Variants in LRP5 observed in about 807,000 individuals in gnomAD.
LRP5 encodes the protein LDL receptor related protein 5.
Under a neutral mutation model 154.1 loss-of-function variants are expected in LRP5, and 62 were observed. That is an observed-to-expected ratio of 0.40 (90% CI 0.33 to 0.50). The LOEUF is 0.50. Ranked by LOEUF, LRP5 falls within the 20% of genes least tolerant of loss-of-function variation. The pLI is 0.55. For synonymous variants in LRP5, 966 were observed against 1,011.5 expected, an observed-to-expected ratio of 0.96 and a Z score of 0.85; for missense variants, 1,915 against 2,336.7, an observed-to-expected ratio of 0.82 and a Z score of 3.72.
chr11:68,431,315 C>T (rs2098671784), intron 17 of LRP5, among the ~76,000 whole-genome samples: 1 of 146,216 alleles, frequency 6.8e-6, no homozygotes, highest in African/African-American at 2.5e-5. Context: ...TCTTGGCTCA[C>T]TGCAACCTCT....
chr11:68,423,387 G>C lies in LRP5; in HGVS notation c.3028-102G>C, dbSNP rs992468045. On this transcript the variant is annotated intron_variant, in intron 13 of 22. Transcript: ENST00000294304. The surrounding 1 kb of genome is among the most constrained non-coding windows in gnomAD (Gnocchi z 4.7). ...AGGGCTCTCCAGCCAGTGCCCGGGG[G>C]TCTCCACCAGTGCCCGGGGGTCTCC... 9.3e-7 allele frequency: 1 copy of C among 1,071,128 alleles called. No individual in the cohort carries two copies. Among genetic ancestry groups the C allele is most frequent in the Non-Finnish European group, 1.5e-6 (1 of 688,442 alleles). 66.4% of individuals were successfully genotyped at this position (1,071,128 alleles called of 1,614,324 possible).
In LRP5 at chr11:68,439,728, T is replaced by A. The variant is rs540567910; in HGVS notation, c.4349-49T>A. On this transcript the variant is annotated intron_variant, in intron 20 of 22. Coordinates refer to ENST00000294304, the MANE Select transcript of LRP5 (RefSeq NM_002335.4). The stretch of plus-strand genomic sequence containing the variant: ...GAGCGCCCTATGTCTGTGGGGCGGC[T>A]TGGCTGAGCCTGGAAGCCACCTGAC... The A allele has an allele frequency of 3.1e-6, 5 of 1,592,186 alleles. No individual in the cohort carries two copies. The Admixed American group carries it at 5.2e-5, about 17-fold the overall frequency.
chr11:68,383,753 G>A (rs1253837151), intron 5 of LRP5, among the ~76,000 whole-genome samples: 2 of 152,200 alleles, frequency 1.3e-5, no homozygotes, highest in Non-Finnish European at 2.9e-5. Flanking sequence ...GGTATGGGGC[G>A]GCCATCCACT....
At chr11:68,395,779 C>G (rs1481167108) in intron 7 of LRP5, among the ~76,000 whole-genome samples, 1 of 152,160 alleles carries the variant, frequency 6.6e-6, no homozygotes, top group African/African-American at 2.4e-5. Flanking sequence ...TGCCCCGGGA[C>G]ACCTCGGATG....
At chr11:68,427,950 A>G (rs2098669676) in intron 16 of LRP5, among the ~76,000 whole-genome samples, 1 of 73,520 alleles carries the variant, frequency 1.4e-5, no homozygotes, top group African/African-American at 5.8e-5. Context: ...TTGCTATTTT[A>G]TTTTATTTTA....
rs532288010 is a variant in LRP5, at chr11:68,403,419, T to A, written c.1585-64T>A. On this transcript the variant is annotated intron_variant, in intron 7 of 22. Transcript: ENST00000294304. The stretch of plus-strand genomic sequence containing the variant: ...GGGGCAGCTCAGGCCCCAGGCAGGG[T>A]CCGGGTTGGCTCTCGTTGGTGTGGC... The A allele has an allele frequency of 1.3e-4, 196 of 1,464,266 alleles. No homozygotes were observed. In the African/African-American group the frequency reaches 2.5e-3, roughly 19 times the overall value. The allele number at this position is 1,464,266 out of a possible 1,614,324, so 90.7% of individuals were successfully genotyped here. A position where few individuals can be genotyped will look rare whatever the true frequency, so the allele number is the denominator to read the frequency against.
intron 2 of LRP5, among the ~76,000 whole-genome samples, chr11:68,349,449 G>A (rs974850222): frequency 6.6e-6 from 1 of 152,128 alleles, no homozygotes; most frequent in African/African-American, 2.4e-5. Flanking sequence ...TGGGAAGTGC[G>A]GACGCTCAGG....
chr11:68,401,124 C>T (rs936484881), intron 7 of LRP5, among the ~76,000 whole-genome samples: 12 of 152,166 alleles, frequency 7.9e-5, no homozygotes, highest in South Asian at 2.1e-4. Flanking sequence ...CTTCATTGTA[C>T]GCCAGGGCTG....
chr11:68,416,646 T>C (rs1486928239), intron 13 of LRP5, 119 bp downstream of exon 13: 2 of 950,200 alleles, frequency 2.1e-6, no homozygotes, highest in East Asian at 2.6e-5. Context: ...TCTGGGTGAA[T>C]GATGACTTGG....
intron 13 of LRP5, among the ~76,000 whole-genome samples, chr11:68,421,558 G>A (rs1040287728): frequency 6.6e-6 from 1 of 152,200 alleles, no homozygotes; most frequent in African/African-American, 2.4e-5. Flanking sequence ...AATTTGTTCA[G>A]TTGGCTTTGA....
rs577291658 is a variant in LRP5 at position 68,343,163 on chromosome 11, C to G, written c.92-4684C>G. Among the ~76,000 whole-genome samples, 5 of 152,372 alleles carry G rather than the reference C, an allele frequency of 3.3e-5. No homozygotes were observed. In the East Asian group the frequency reaches 7.7e-4, roughly 24 times the overall value. On this transcript the variant is annotated intron_variant, in intron 1 of 22. Coordinates refer to ENST00000294304, the MANE Select transcript of LRP5 (RefSeq NM_002335.4). ...TGCAGGCCTGGCAGGCCCGGTCCCC[C>G]ACCTGCTTGAGCACCCACGGTGGTG...
At position 68,416,341 on chromosome 11, in the gene LRP5, C is replaced by G. The variant is rs1377255746; in HGVS notation, c.2841C>G (p.Phe947Leu). Residue 947 changes from phenylalanine to leucine, a missense_variant, in exon 13 of 23, where the codon TTC becomes TTG. Phe to Leu is a conservative substitution (Grantham distance 22). Coordinates refer to ENST00000294304, the MANE Select transcript of LRP5 (RefSeq NM_002335.4). The stretch of plus-strand genomic sequence containing the variant: ...TGCCTCCTCTAGCGCCCACCACCTT[C>G]TTGCTGTTCAGCCAGAAATCTGCCA... ...SSRNCSPPTT[F>L]LLFSQKSAIS... The G allele has an allele frequency of 1.2e-6, 2 of 1,614,134 alleles. No individual in the cohort carries two copies. The highest frequency in any genetic ancestry group is 1.7e-6 in the Non-Finnish European group (2 of 1,180,034).
intron 21 of LRP5, 24 bp downstream of exon 21, chr11:68,439,940 G>A: frequency 6.6e-7 from 1 of 1,508,842 alleles, no homozygotes; most frequent in Non-Finnish European, 8.9e-7. Context: ...CCGGGGAGGG[G>A]CGGGGCGGGA....
the LRP5 span, among the ~76,000 whole-genome samples, chr11:68,300,429 G>A: frequency 7.4e-5 from 11 of 149,122 alleles, no homozygotes. Context: ...GAGGAATCAG[G>A]GGCATTAAGG....
intron 6 of LRP5, among the ~76,000 whole-genome samples, chr11:68,387,977 C>A (rs1160499789): frequency 6.6e-6 from 1 of 152,130 alleles, no homozygotes; most frequent in Non-Finnish European, 1.5e-5. Flanking sequence ...TGTGAGTGTG[C>A]TGGCCGGGGA....
rs752483392 is a variant in LRP5, at chr11:68,348,113, A to G, written c.358A>G (p.Lys120Glu). ...CGGCCTCGCCTGCGACTGGGTGGGC[A>G]AGAAGCTGTACTGGACGGACTCAGA... ...PDGLACDWVGKKLYWTDSETN... is the reference protein window; with the variant it reads ...PDGLACDWVGEKLYWTDSETN... The change falls in exon 2 of 23, where the codon AAG becomes GAG. Residue 120 changes from lysine to glutamate, a missense_variant. Transcript: ENST00000294304. The G allele has an allele frequency of 1.5e-5, 24 of 1,614,004 alleles. No individual in the cohort carries two copies. Among genetic ancestry groups the G allele is most frequent in the Admixed American group, 3.3e-5 (2 of 60,008 alleles).
At chr11:68,434,685 T>G (rs1241930925) in intron 18 of LRP5, among the ~76,000 whole-genome samples, 1 of 152,160 alleles carries the variant, frequency 6.6e-6, no homozygotes, top group Non-Finnish European at 1.5e-5. Flanking sequence ...CGGCCTGAGT[T>G]TTCCTTTTAT....
rs35822609 is a variant in LRP5 at position 68,335,074 on chromosome 11, C to CTTT, written c.92-12756_92-12754dup. On this transcript the variant is annotated intron_variant, in intron 1 of 22. Transcript: ENST00000294304. ...GCCAACTGTTCGATACCTGACCTGG[C>CTTT]TTTTTTTTTTTTTTTTTTTAAGACA... is the stretch of plus-strand genomic sequence containing the variant. Among the ~76,000 whole-genome samples the CTTT allele has an allele frequency of 5.3e-4, 65 of 123,592 alleles. No homozygotes were observed. The South Asian group carries it at 6.2e-3, about 12-fold the overall frequency. The allele number at this position is 123,592 out of a possible 152,430, so 81.1% of individuals were successfully genotyped here. A position where few individuals can be genotyped will look rare whatever the true frequency, so the allele number is the denominator to read the frequency against.
intron 5 of LRP5, among the ~76,000 whole-genome samples, chr11:68,378,552 C>G (rs1263563117): frequency 6.6e-6 from 1 of 151,966 alleles, no homozygotes; most frequent in South Asian, 2.1e-4. Context: ...CCGAGAGCCT[C>G]TAAGGATAAA....
Sources: gnomAD v4.1 joint callset for allele counts (sites outside exome capture counted in the v4.1 genomes callset) on GRCh38, gnomAD v4.1.1 for gene constraint, Gnocchi (gnomAD v3.1) non-coding constraint, MANE v1.5 for transcripts, NCBI Gene and HGNC (gene_info 2026-07-23, HGNC 2026-07-21) for gene names.